Variants in GFPT1 observed in about 807,000 individuals in gnomAD.
GFPT1 encodes the protein glutamine--fructose-6-phosphate transaminase 1, also known as glutamine--fructose-6-phosphate aminotransferase [isomerizing] 1.
A neutral mutation model predicts 92.0 loss-of-function variants in GFPT1; 40 were observed. The observed-to-expected ratio is 0.43, with a 90% CI of 0.34 to 0.57. The LOEUF (loss-of-function observed/expected upper bound fraction) is 0.57. GFPT1 is among the 20% of genes least tolerant of loss of function. GFPT1 has a pLI of 0.02. For synonymous variants in GFPT1, 269 were observed against 280.6 expected (o/e 0.96, Z 0.41); for missense variants, 448 against 869.1 (o/e 0.52, Z 6.09).
chr2:69,367,350 G>T (rs528874516), intron 3 of GFPT1, among the ~76,000 whole-genome samples: 94 of 151,118 alleles, frequency 6.2e-4, no homozygotes, highest in African/African-American at 1.2e-3. Flanking sequence ...ATTTTTTGTT[G>T]TTGTTGTTGT....
intron 15 of GFPT1, among the ~76,000 whole-genome samples, chr2:69,337,219 C>CCA (rs1670823675): frequency 6.6e-6 from 1 of 152,014 alleles, no homozygotes; most frequent in African/African-American, 2.4e-5. Flanking sequence ...GCACGTGCTA[C>CCA]CACACCTGGC....
chr2:69,342,346 T>A, intron 12 of GFPT1, 97 bp from the exon 13 acceptor site: 1 of 764,276 alleles, frequency 1.3e-6, no homozygotes, highest in Non-Finnish European at 2.3e-6. Context: ...TGAGGAAGAA[T>A]ACTGCTGTTT....
chr2:69,331,685 T>C (rs1670666998), intron 15 of GFPT1, among the ~76,000 whole-genome samples: 1 of 152,156 alleles, frequency 6.6e-6, no homozygotes. Context: ...TGAATAATCA[T>C]GTGAAATGTT....
At chr2:69,335,150 GCACGCACCAC>G (rs1670763776) in intron 15 of GFPT1, among the ~76,000 whole-genome samples, 1 of 151,854 alleles carries the variant, frequency 6.6e-6, no homozygotes, top group Admixed American at 6.6e-5. Context: ...GGGACTACAC[GCACGCACCAC>G]CATGCCCCGC....
intron 17 of GFPT1, among the ~76,000 whole-genome samples, 184 bp downstream of exon 17, chr2:69,329,113 T>C (rs547475481): frequency 6.6e-6 from 1 of 152,352 alleles, no homozygotes; most frequent in East Asian, 1.9e-4. Flanking sequence ...AATGTACTCT[T>C]TTTGATTTTC....
intron 4 of GFPT1, among the ~76,000 whole-genome samples, chr2:69,363,172 C>A (rs1364457118): frequency 6.6e-6 from 1 of 152,182 alleles, no homozygotes; most frequent in Non-Finnish European, 1.5e-5. Flanking sequence ...GGTGTGACCA[C>A]GGCTCACTGC....
intron 15 of GFPT1, among the ~76,000 whole-genome samples, chr2:69,330,132 G>C (rs1670626008): frequency 6.6e-6 from 1 of 152,138 alleles, no homozygotes; most frequent in Non-Finnish European, 1.5e-5. Flanking sequence ...TTGAGCCCGG[G>C]AGGCAGAGGT....
At chr2:69,339,833 T>C (rs1670894925) in intron 13 of GFPT1, among the ~76,000 whole-genome samples, 1 of 152,180 alleles carries the variant, frequency 6.6e-6, no homozygotes, top group Non-Finnish European at 1.5e-5. Flanking sequence ...AAGAAAATCA[T>C]TGAAGATAAA....
Position 69,387,117 on chromosome 2 carries a change from G to C in GFPT1, c.-46C>G. 8 of 1,524,938 alleles carry C rather than the reference G, an allele frequency of 5.2e-6. No homozygotes were observed. The highest frequency in any genetic ancestry group is 7.0e-6 in the Non-Finnish European group (8 of 1,141,996). The allele number at this position is 1,524,938 out of a possible 1,614,324, so 94.5% of individuals were successfully genotyped here. ...CGAGGCCAGGGGCGAGTGGCTGGCG[G>C]GATCGGGGGTGCACACACGAGCTTC... On this transcript the variant is annotated 5_prime_UTR_variant, in exon 1 of 20. Transcript: ENST00000357308.
chr2:69,364,371 G>T (rs984678989), intron 3 of GFPT1, among the ~76,000 whole-genome samples: 1 of 152,166 alleles, frequency 6.6e-6, no homozygotes, highest in African/African-American at 2.4e-5. Flanking sequence ...AGGTAATAAT[G>T]TACTATTCTT....
rs752515655 is a variant in GFPT1, at chr2:69,350,122, C to G, written c.801G>C (p.Pro267=). ...AATACTCCACTGCTTTTTCTTCCAC[C>G]GGGAAAAGGCAGGTTGTGCTGTCCA... ...SRVDSTTCLF[P]VEEKAVEYYF... is the part of the protein sequence containing the mutation. The change falls in exon 10 of 20, where the codon CCG becomes CCC. Residue 267 remains proline (P), a synonymous_variant. Transcript: ENST00000357308. 2.5e-6 allele frequency: 4 copies of G among 1,613,854 alleles called. No individual in the cohort carries two copies. Among genetic ancestry groups the G allele is most frequent in the Admixed American group, 1.7e-5 (1 of 60,008 alleles).
chr2:69,338,356 T>C, intron 14 of GFPT1, 89 bp downstream of exon 14: 1 of 1,119,568 alleles, frequency 8.9e-7, no homozygotes, highest in Non-Finnish European at 1.3e-6. Flanking sequence ...AATGCCAGTT[T>C]ATCTTTAAAT....
At chr2:69,350,052 T>C in intron 10 of GFPT1, 26 bp downstream of exon 10, 4 of 1,456,306 alleles carry the variant, frequency 2.7e-6, no homozygotes, top group Non-Finnish European at 3.9e-6. Flanking sequence ...ACTAAAAATC[T>C]CTTTGAATCA....
At chr2:69,338,660 AT>A in intron 13 of GFPT1, 95 bp from the exon 14 acceptor site, 2 of 1,223,590 alleles carry the variant, frequency 1.6e-6, no homozygotes, top group Non-Finnish European at 2.4e-6. Flanking sequence ...GCTTTTTCTG[AT>A]TACAAAAATG....
chr2:69,357,763 G>A (rs1169974476), intron 6 of GFPT1, among the ~76,000 whole-genome samples: 1 of 152,152 alleles, frequency 6.6e-6, no homozygotes, highest in Non-Finnish European at 1.5e-5. Context: ...CTTTAATTAG[G>A]AATGTTGGAT....
In GFPT1 at chr2:69,350,062, A is replaced by G. The variant is rs774481875; in HGVS notation, c.845+16T>C. On this transcript the variant is annotated intron_variant, in intron 10 of 19. Coordinates refer to ENST00000357308, the MANE Select transcript of GFPT1 (RefSeq NM_001244710.2). Reference sequence around the variant, plus strand: ...GTTTTACTAAAAATCTCTTTGAATCAACTAAGGAAGCTCACCTTGCATCAG... The same window carrying G: ...GTTTTACTAAAAATCTCTTTGAATCGACTAAGGAAGCTCACCTTGCATCAG... 4 of 1,540,204 alleles carry G rather than the reference A, an allele frequency of 2.6e-6. No individual in the cohort carries two copies. Among genetic ancestry groups the G allele is most frequent in the South Asian group, 1.1e-5 (1 of 89,456 alleles).
At chr2:69,347,184 T>C (rs890486604) in intron 11 of GFPT1, among the ~76,000 whole-genome samples, 15 of 151,976 alleles carry the variant, frequency 9.9e-5, no homozygotes, top group Non-Finnish European at 1.9e-4. Context: ...GTGCTAGGAT[T>C]ACAGGTGTGA....
Position 69,320,854 on chromosome 2 carries a change from G to A in GFPT1, c.*5335C>T, listed in dbSNP as rs1287240232. 6.6e-6 allele frequency: 1 copy of A among 152,138 alleles called. No individual in the cohort carries two copies. Among genetic ancestry groups the A allele is most frequent in the African/African-American group, 2.4e-5 (1 of 41,412 alleles). The allele number at this position is 152,138 out of a possible 1,614,324, so 9.4% of individuals were successfully genotyped here. A position where few individuals can be genotyped will look rare whatever the true frequency, so the allele number is the denominator to read the frequency against. On this transcript the variant is annotated 3_prime_UTR_variant, in exon 20 of 20. Coordinates refer to ENST00000357308, the MANE Select transcript of GFPT1 (RefSeq NM_001244710.2). ...TGGTGGCGCAGCCTTAGGCTCTGGT[G>A]CAGAAGAAGAGAGAGGGAGAGGTGG...
intron 1 of GFPT1, among the ~76,000 whole-genome samples, chr2:69,381,342 T>C (rs1007318642): frequency 8.5e-5 from 13 of 152,168 alleles, no homozygotes; most frequent in African/African-American, 3.1e-4. Flanking sequence ...GGTCTCAATA[T>C]GCTGTCCGGG....
Sources: gnomAD v4.1 joint callset for allele counts (sites outside exome capture counted in the v4.1 genomes callset) on GRCh38, gnomAD v4.1.1 for gene constraint, MANE v1.5 for transcripts, NCBI Gene and HGNC (gene_info 2026-07-23, HGNC 2026-07-21) for gene names.